OR2L13: variants seen among roughly 807,000 people sequenced by gnomAD.
OR2L13 encodes olfactory receptor 2L13.
Under a neutral mutation model 15.3 loss-of-function variants are expected in OR2L13, and 14 were observed. The observed-to-expected ratio is 0.91, with a 90% CI of 0.60 to 1.43. OR2L13 has a LOEUF of 1.43. Ranked by LOEUF, OR2L13 falls within the 40% of genes most tolerant of loss-of-function variation. OR2L13 has a pLI of 0.00. For missense variants in OR2L13, 367 were observed against 387.9 expected, an observed-to-expected ratio of 0.95 and a Z score of 0.45; for synonymous variants, 152 against 142.9, an observed-to-expected ratio of 1.06 and a Z score of -0.45.
At chr1:247,979,210 C>G in the OR2L13 span, among the ~76,000 whole-genome samples, 1 of 152,022 alleles carries the variant, frequency 6.6e-6, no homozygotes, top group Non-Finnish European at 1.5e-5. Context: ...ATGTGCATAA[C>G]GTGCAGGTTT....
chr1:248,028,440 T>C, the OR2L13 span, among the ~76,000 whole-genome samples: 3 of 152,242 alleles, frequency 2.0e-5, no homozygotes, highest in Admixed American at 1.3e-4. Flanking sequence ...ATTTTGTCTC[T>C]TTGGGAAATA....
the OR2L13 span, among the ~76,000 whole-genome samples, chr1:247,960,876 C>G: frequency 6.6e-6 from 1 of 152,204 alleles, no homozygotes; most frequent in African/African-American, 2.4e-5. Flanking sequence ...TCCCTGACCC[C>G]TTGCACTTCT....
the OR2L13 span, among the ~76,000 whole-genome samples, chr1:247,989,532 A>G: frequency 6.6e-6 from 1 of 152,174 alleles, no homozygotes; most frequent in South Asian, 2.1e-4. Context: ...GTTTTTTCCT[A>G]TAAATGTATA....
chr1:248,003,994 C>G, the OR2L13 span: 2 of 1,613,990 alleles, frequency 1.2e-6, no homozygotes, highest in Non-Finnish European at 1.7e-6. Flanking sequence ...ACCCCATCAT[C>G]TATAGCCTGA....
At chr1:247,996,124 A>C in the OR2L13 span, among the ~76,000 whole-genome samples, 1 of 152,130 alleles carries the variant, frequency 6.6e-6, no homozygotes, top group Non-Finnish European at 1.5e-5. Context: ...ACGATTGTTA[A>C]ACTCTTTCTC....
the OR2L13 span, among the ~76,000 whole-genome samples, chr1:247,960,882 C>T: frequency 4.6e-5 from 7 of 152,230 alleles, no homozygotes; most frequent in African/African-American, 1.7e-4. Flanking sequence ...ACCCCTTGCA[C>T]TTCTCAGGTG....
the OR2L13 span, among the ~76,000 whole-genome samples, chr1:248,089,059 C>T: frequency 6.6e-6 from 1 of 151,994 alleles, no homozygotes. Flanking sequence ...TCTTCAGATG[C>T]CAGTCTCAAG....
chr1:247,943,673 A>G, the OR2L13 span, among the ~76,000 whole-genome samples: 1 of 152,116 alleles, frequency 6.6e-6, no homozygotes, highest in African/African-American at 2.4e-5. Flanking sequence ...GTTTATCAGG[A>G]TATTAACTTT....
the OR2L13 span, chr1:248,061,585 C>G: frequency 6.2e-7 from 1 of 1,612,918 alleles, no homozygotes; most frequent in Non-Finnish European, 8.5e-7. Flanking sequence ...GGCCCTGACA[C>G]GAGTGAGTCA....
chr1:247,982,305 C>T, the OR2L13 span, among the ~76,000 whole-genome samples: 2 of 152,180 alleles, frequency 1.3e-5, no homozygotes, highest in Non-Finnish European at 1.5e-5. Flanking sequence ...ATTGCACAGT[C>T]ATGAATAACT....
chr1:248,026,031 T>C, the OR2L13 span, among the ~76,000 whole-genome samples: 1 of 152,066 alleles, frequency 6.6e-6, no homozygotes, highest in Non-Finnish European at 1.5e-5. Context: ...CACACCAGCA[T>C]AGCACATGTA....
At chr1:248,039,042 G>A in the OR2L13 span, 3 of 1,613,722 alleles carry the variant, frequency 1.9e-6, no homozygotes, top group East Asian at 2.2e-5. Context: ...TTATACCTAT[G>A]TACGTCCAAG....
chr1:248,067,240 A>G, the OR2L13 span, among the ~76,000 whole-genome samples: 1 of 152,186 alleles, frequency 6.6e-6, no homozygotes, highest in East Asian at 1.9e-4. Context: ...ATTATAGCAG[A>G]ACTGTCTACT....
chr1:247,938,685 T>C, the OR2L13 span, among the ~76,000 whole-genome samples: 7 of 152,182 alleles, frequency 4.6e-5, no homozygotes, highest in East Asian at 1.2e-3. Flanking sequence ...CACACACACA[T>C]ATATTTTTCT....
the OR2L13 span, among the ~76,000 whole-genome samples, chr1:248,037,114 G>A: frequency 6.6e-6 from 1 of 152,014 alleles, no homozygotes; most frequent in Non-Finnish European, 1.5e-5. Context: ...ATTTGATGGT[G>A]GTGGACATTC....
At chr1:248,035,314 T>C in the OR2L13 span, among the ~76,000 whole-genome samples, 1 of 152,030 alleles carries the variant, frequency 6.6e-6, no homozygotes, top group African/African-American at 2.4e-5. Context: ...GCCAGCTTGG[T>C]GGCAGGTGCC....
At chr1:248,003,051 A>C in the OR2L13 span, 2 of 773,740 alleles carry the variant, frequency 2.6e-6, no homozygotes, top group Non-Finnish European at 4.5e-6. Flanking sequence ...CTATTCAGGG[A>C]TTGAAATTCT....
At chr1:247,951,825 C>T in the OR2L13 span, among the ~76,000 whole-genome samples, 649 of 152,312 alleles carry the variant, frequency 4.3e-3, 11 homozygotes, top group African/African-American at 0.015. Flanking sequence ...CCAGGGCAAG[C>T]ACCTCCTCTC....
At chr1:247,975,916 AAAT>A in the OR2L13 span, among the ~76,000 whole-genome samples, 1 of 152,152 alleles carries the variant, frequency 6.6e-6, no homozygotes, top group Non-Finnish European at 1.5e-5. Flanking sequence ...ATTAAAATTA[AAAT>A]AATAAATGTT....
Sources: allele counts gnomAD v4.1 joint callset (sites outside exome capture counted in the v4.1 genomes callset), GRCh38; gene constraint gnomAD v4.1.1; transcripts MANE v1.5; gene names NCBI Gene and HGNC (gene_info 2026-07-23, HGNC 2026-07-21).